The following RBFOX1 variants were observed in gnomAD, a reference collection of about 807,000 sequenced individuals.
RBFOX1 encodes the protein RNA binding fox-1 homolog 1.
In RBFOX1, 8 loss-of-function variants were observed where a neutral mutation model predicts 57.7. The ratio of observed to expected loss-of-function variants is 0.14; its 90% CI spans 0.08 to 0.25. RBFOX1 has a LOEUF of 0.25. Ranked by LOEUF, RBFOX1 falls within the 10% of genes least tolerant of loss-of-function variation. The pLI, the probability that RBFOX1 is intolerant of heterozygous loss-of-function variation, is 1.00. For missense variants in RBFOX1, 611 were observed against 548.5 expected (o/e 1.11, Z -1.14); for synonymous variants, 326 against 222.4 (o/e 1.47, Z -4.15).
chr16:6,231,252 G>GTC (rs2097457918), intron 1 of RBFOX1, among the ~76,000 whole-genome samples: 1 of 151,738 alleles, frequency 6.6e-6, no homozygotes, highest in African/African-American at 2.4e-5. Context: ...GTGTGTGTGT[G>GTC]TGTGTGTTCC....
At chr16:6,210,361 C>CAAAAAAAAAAAAAAAAAAAAAAAA (rs3064933) in intron 1 of RBFOX1, among the ~76,000 whole-genome samples, 5 of 61,454 alleles carry the variant, frequency 8.1e-5, no homozygotes, top group Non-Finnish European at 7.0e-5. Context: ...AAAAAAACAC[C>CAAAAAAAAAAAAAAAAAAAAAAAA]AAAAAAAAAA....
intron 1 of RBFOX1, among the ~76,000 whole-genome samples, chr16:5,442,541 C>T (rs2068115798): frequency 6.6e-6 from 1 of 152,174 alleles, no homozygotes; most frequent in African/African-American, 2.4e-5. Flanking sequence ...AGTGGCATGG[C>T]AGTGGGGAGA....
chr16:6,473,194 C>A (rs1051896666), intron 2 of RBFOX1, among the ~76,000 whole-genome samples: 2 of 152,114 alleles, frequency 1.3e-5, no homozygotes, highest in African/African-American at 4.8e-5. Flanking sequence ...GTTTTCTAGC[C>A]CTGCCTACTT....
chr16:7,211,454 T>C (rs1486337315), intron 4 of RBFOX1, among the ~76,000 whole-genome samples: 1 of 150,842 alleles, frequency 6.6e-6, no homozygotes, highest in Non-Finnish European at 1.5e-5. Flanking sequence ...TCCAGTGGGC[T>C]GGTAGCTGTC....
At chr16:5,442,787 G>A (rs1567517272) in intron 1 of RBFOX1, among the ~76,000 whole-genome samples, 1 of 152,150 alleles carries the variant, frequency 6.6e-6, no homozygotes, top group Non-Finnish European at 1.5e-5. Flanking sequence ...CCCTGTTGTG[G>A]ACTGAATACT....
intron 3 of RBFOX1, among the ~76,000 whole-genome samples, chr16:5,632,889 G>A (rs975782438): frequency 6.6e-6 from 1 of 151,038 alleles, no homozygotes; most frequent in Non-Finnish European, 1.5e-5. Context: ...AAACTGGGCT[G>A]GGAACACAAC....
rs76831173 is a variant in RBFOX1 at position 6,178,674 on chromosome 16, A to C, written c.-126-138321A>C. 3.6e-3 allele frequency among the ~76,000 whole-genome samples: 543 copies of C among 152,280 alleles called. 2 individuals carry two copies. Among genetic ancestry groups the C allele is most frequent in the African/African-American group, 0.012 (518 of 41,556 alleles). Reference sequence around the variant, plus strand: ...AATCTAGAATCTTTGAGCCCGGATGATCCTAGAGGGTATCTAGTCTACCTT... The same window carrying C: ...AATCTAGAATCTTTGAGCCCGGATGCTCCTAGAGGGTATCTAGTCTACCTT... On this transcript the variant is annotated intron_variant, in intron 1 of 15. Transcript: ENST00000550418.
intron 3 of RBFOX1, among the ~76,000 whole-genome samples, chr16:5,624,439 C>T (rs549576161): frequency 2.0e-5 from 3 of 152,310 alleles, no homozygotes; most frequent in East Asian, 1.9e-4. Flanking sequence ...CCTCGTGATC[C>T]GCCCGCCTCG....
intron 3 of RBFOX1, among the ~76,000 whole-genome samples, chr16:5,822,085 T>G (rs557265265): frequency 9.6e-4 from 146 of 152,368 alleles, no homozygotes; most frequent in Middle Eastern, 6.8e-3. Flanking sequence ...TCCATGATTT[T>G]GCTGTTGTGA....
chr16:6,441,373 G>A (rs558813936), intron 2 of RBFOX1, among the ~76,000 whole-genome samples: 2 of 152,162 alleles, frequency 1.3e-5, no homozygotes, highest in Non-Finnish European at 2.9e-5. Context: ...CTGACTGCTT[G>A]TCAGCTTCGT....
chr16:6,866,261 A>G (rs941407703), intron 3 of RBFOX1, among the ~76,000 whole-genome samples: 1 of 152,036 alleles, frequency 6.6e-6, no homozygotes, highest in Non-Finnish European at 1.5e-5. Flanking sequence ...CTACTTTCCT[A>G]CCACTTTTCA....
At chr16:7,029,237 TATAC>T (rs1568441711) in intron 3 of RBFOX1, among the ~76,000 whole-genome samples, 2 of 67,082 alleles carry the variant, frequency 3.0e-5, no homozygotes, top group African/African-American at 8.1e-5. Flanking sequence ...TATATATACG[TATAC>T]GTATATATAT....
rs140583357 is a variant in RBFOX1 at position 7,069,204 on chromosome 16, T to G, written c.27+17106T>G. Among the ~76,000 whole-genome samples, 808 of 152,324 alleles carry G rather than the reference T, an allele frequency of 5.3e-3. 7 individuals are homozygous for G. Among genetic ancestry groups the G allele is most frequent in the East Asian group, 0.024 (123 of 5,178 alleles). On this transcript the variant is annotated intron_variant, in intron 4 of 15. Transcript: ENST00000550418. ...TAATTTATTTATTTTTTAATTATTG[T>G]TTTTTAAGTTCCAGGATACATGTGC...
At chr16:5,394,453 C>T (rs1373823568) in intron 1 of RBFOX1, among the ~76,000 whole-genome samples, 1 of 152,124 alleles carries the variant, frequency 6.6e-6, no homozygotes, top group African/African-American at 2.4e-5. Flanking sequence ...CTCATTATAT[C>T]ATCTGGCTCT....
intron 3 of RBFOX1, among the ~76,000 whole-genome samples, chr16:7,026,786 C>T (rs780315099): frequency 3.3e-5 from 5 of 152,220 alleles, no homozygotes; most frequent in Non-Finnish European, 7.3e-5. Flanking sequence ...CACTATGCCA[C>T]CTTTAAATGA....
At chr16:7,424,665 T>G (rs901807201) in intron 4 of RBFOX1, among the ~76,000 whole-genome samples, 1 of 152,158 alleles carries the variant, frequency 6.6e-6, no homozygotes, top group Non-Finnish European at 1.5e-5. Context: ...GTTTCTTATG[T>G]AGTGCCCAGG....
chr16:7,186,319 T>C lies in RBFOX1; in HGVS notation c.27+134221T>C, dbSNP rs190056593. 8.7e-3 allele frequency among the ~76,000 whole-genome samples: 608 copies of C among 70,042 alleles called. 16 individuals carry two copies. Among genetic ancestry groups the C allele is most frequent in the Non-Finnish European group, 0.01 (408 of 38,960 alleles). 46.0% of individuals were successfully genotyped at this position (70,042 alleles called of 152,430 possible). ...ATAAACATAAACATATTTATATAAA[T>C]ATAAACATAAACATATTTATATAAA... On this transcript the variant is annotated intron_variant, in intron 4 of 15. Coordinates refer to ENST00000550418, the MANE Select transcript of RBFOX1 (RefSeq NM_018723.4).
intron 3 of RBFOX1, among the ~76,000 whole-genome samples, chr16:5,837,847 A>G (rs540149403): frequency 6.6e-6 from 1 of 152,104 alleles, no homozygotes; most frequent in African/African-American, 2.4e-5. Context: ...GCTTGGTGGC[A>G]TAGAAGTCTG....
At chr16:7,525,173 T>C (rs942470604) in intron 5 of RBFOX1, among the ~76,000 whole-genome samples, 3 of 152,184 alleles carry the variant, frequency 2.0e-5, no homozygotes, top group Non-Finnish European at 4.4e-5. Flanking sequence ...TTATATCTTA[T>C]AAGTACTCAC....
Sources: gnomAD v4.1 joint callset for allele counts (sites outside exome capture counted in the v4.1 genomes callset) on GRCh38, gnomAD v4.1.1 for gene constraint, MANE v1.5 for transcripts, NCBI Gene and HGNC (gene_info 2026-07-23, HGNC 2026-07-21) for gene names.